The following GPS1 variants were observed in gnomAD, a reference collection of about 807,000 sequenced individuals.
GPS1 encodes the protein G protein pathway suppressor 1.
A neutral mutation model predicts 60.0 loss-of-function variants in GPS1; 11 were observed. That is an observed-to-expected ratio of 0.18 (90% CI 0.12 to 0.30). The LOEUF is 0.30. Ranked by LOEUF, GPS1 falls within the 10% of genes least tolerant of loss-of-function variation. GPS1 has a pLI of 1.00. For missense variants in GPS1, 543 were observed against 669.2 expected (o/e 0.81, Z 2.08); for synonymous variants, 343 against 269.8 (o/e 1.27, Z -2.66).
chr17:82,056,727 G>A lies in GPS1; in HGVS notation c.1215G>A (p.Leu405=), dbSNP rs1291916463. ...AGGACGAGCTGACGCAGCTAATCCT[G>A]GAGGGGCTGATCAGTGCCCGTGTGG... is the stretch of plus-strand genomic sequence containing the variant. ...ALEDELTQLI[L]EGLISARVDS... The change falls in exon 11 of 13, where the codon CTG becomes CTA. Residue 405 remains leucine (L), a synonymous_variant. Transcript: ENST00000578552. 6.3e-7 allele frequency: 1 copy of A among 1,588,224 alleles called. No individual in the cohort carries two copies. Among genetic ancestry groups the A allele is most frequent in the East Asian group, 2.2e-5 (1 of 44,562 alleles).
rs140038239 is a variant in GPS1 at position 82,054,501 on chromosome 17, C to T, written c.309-9C>T. On this transcript the variant is annotated splice_polypyrimidine_tract_variant and intron_variant, in intron 3 of 12. Coordinates refer to ENST00000578552, the MANE Select transcript of GPS1 (RefSeq NM_001321092.3). ...CCGCCGCCATCCTGATGGCCAGGTCCTCTCTCAGGGAGCTGCAGAACGCAC... is the reference window on the plus strand; with the variant it reads ...CCGCCGCCATCCTGATGGCCAGGTCTTCTCTCAGGGAGCTGCAGAACGCAC... 1.3e-6 allele frequency: 2 copies of T among 1,497,324 alleles called. No individual in the cohort carries two copies. Among genetic ancestry groups the T allele is most frequent in the Non-Finnish European group, 8.9e-7 (1 of 1,126,666 alleles). The allele number at this position is 1,497,324 out of a possible 1,614,324, so 92.8% of individuals were successfully genotyped here. A position where few individuals can be genotyped will look rare whatever the true frequency, so the allele number is the denominator to read the frequency against.
chr17:82,051,093 T>A, upstream of GPS1: 1 of 1,363,448 alleles, frequency 7.3e-7, no homozygotes, highest in Non-Finnish European at 9.4e-7. This position sits in a 1 kb window ranked among gnomAD's most constrained non-coding sequence, Gnocchi z 4.1. Context: ...GCGGCTAGTG[T>A]GAGAGGCTGG....
At position 82,051,953 on chromosome 17, in the gene GPS1, T is replaced by G; in HGVS notation, c.22T>G (p.Phe8Val). 8.6e-7 allele frequency: 1 copy of G among 1,164,804 alleles called. No individual in the cohort carries two copies. The highest frequency in any genetic ancestry group is 1.1e-6 in the Non-Finnish European group (1 of 943,866). 72.2% of individuals were successfully genotyped at this position (1,164,804 alleles called of 1,614,324 possible). Residue 8 changes from phenylalanine (F) to valine (V), a missense_variant, in exon 1 of 13, where the codon TTT becomes GTT. Physicochemically the swap from Phe to Val is conservative, Grantham distance 50. Around this residue, in one of 3 missense-constraint regions of GPS1, gnomAD observed 181 missense variants for 188.8 expected, o/e 0.96. Coordinates refer to ENST00000578552, the MANE Select transcript of GPS1 (RefSeq NM_001321092.3). This position sits in a 1 kb window ranked among gnomAD's most constrained non-coding sequence, Gnocchi z 4.1. MPLPVQV[F>V]NLQGAVEPMQ... ...CAAGATGCCGCTGCCGGTTCAGGTG[T>G]TTAACTTGCAGGTAACGAGCCGAGG...
chr17:82,053,687 C>T (rs2031713669), intron 2 of GPS1, 181 bp from the exon 3 acceptor site: 2 of 648,308 alleles, frequency 3.1e-6, no homozygotes, highest in Non-Finnish European at 5.1e-6. Flanking sequence ...CCAGGCCCAC[C>T]CCAGCGGTCT....
At chr17:82,052,362 GCAC>G (rs1179511903) in intron 1 of GPS1, 3 of 1,612,672 alleles carry the variant, frequency 1.9e-6, no homozygotes, top group Admixed American at 3.3e-5. Flanking sequence ...GATCTGTACT[GCAC>G]CCCTCACAGC....
At chr17:82,052,633 G>A (rs1056420524) in intron 1 of GPS1, 4 of 775,096 alleles carry the variant, frequency 5.2e-6, no homozygotes, top group Non-Finnish European at 8.0e-6. Context: ...CCGAGCTCTT[G>A]GTGCTTTTCC....
chr17:82,055,762 G>A lies in GPS1; in HGVS notation c.771G>A (p.Arg257=), dbSNP rs753007670. ...CAAGLAELAA[R]KYKQAAKCLL... The stretch of plus-strand genomic sequence containing the variant: ...TAGGCTTGGCAGAGCTGGCCGCCAG[G>A]AAGTACAAGCAGGCTGCCAAGTGCC... The change falls in exon 7 of 13, where the codon AGG becomes AGA. Residue 257 remains arginine (R), a synonymous_variant. Coordinates refer to ENST00000578552, the MANE Select transcript of GPS1 (RefSeq NM_001321092.3). 7.7e-6 allele frequency: 12 copies of A among 1,558,474 alleles called. No individual in the cohort carries two copies. The highest frequency in any genetic ancestry group is 8.7e-6 in the Non-Finnish European group (10 of 1,151,206).
chr17:82,053,985 G>A lies in GPS1; in HGVS notation c.244G>A (p.Val82Met), dbSNP rs2031836334. 8.7e-6 allele frequency: 14 copies of A among 1,612,740 alleles called. No individual in the cohort carries two copies. The highest frequency in any genetic ancestry group is 2.2e-5 in the East Asian group (1 of 44,888). The change falls in exon 3 of 13, where the codon GTG (valine) becomes ATG (methionine). Residue 82 changes from valine to methionine, a missense_variant. Around this residue, in one of 3 missense-constraint regions of GPS1, gnomAD observed 181 missense variants for 188.8 expected, o/e 0.96. Coordinates refer to ENST00000578552, the MANE Select transcript of GPS1 (RefSeq NM_001321092.3). Reference protein sequence around the residue: ...VEALKMALSFVQRTFNVDMYE... With the variant: ...VEALKMALSFMQRTFNVDMYE... ...GGCCCTGAAGATGGCCCTCTCCTTC[G>A]TGCAGAGAACCTTTAACGTGGACAT...
At chr17:82,052,046 G>T (rs1331480943) in intron 1 of GPS1, 82 bp downstream of exon 1, 1 of 1,030,644 alleles carries the variant, frequency 9.7e-7, no homozygotes, top group African/African-American at 1.7e-5. Flanking sequence ...GCAGGGGCGC[G>T]GGGCCTGCGC....
rs759218958 is a variant in GPS1, at chr17:82,054,036, T to C, written c.295T>C (p.Ser99Pro). ...GTACGAGGAGATCCACCGCAAGCTC[T>C]CAGAGGCCACCAGGTGAGGCCAGGG... is the stretch of plus-strand genomic sequence containing the variant. ...DMYEEIHRKL[S>P]EATRELQNAP... Residue 99 changes from serine to proline, a missense_variant, in exon 3 of 13, where the codon TCA becomes CCA. By Grantham distance (74) the Ser-to-Pro change is moderately conservative. Coordinates refer to ENST00000578552, the MANE Select transcript of GPS1 (RefSeq NM_001321092.3). 6.2e-7 allele frequency: 1 copy of C among 1,610,598 alleles called. No individual in the cohort carries two copies. Among genetic ancestry groups the C allele is most frequent in the Non-Finnish European group, 8.5e-7 (1 of 1,178,584 alleles).
At position 82,057,248 on chromosome 17, in the gene GPS1, C is replaced by G. The variant is rs1389241489; in HGVS notation, c.*121C>G. On this transcript the variant is annotated 3_prime_UTR_variant, in exon 13 of 13. Coordinates refer to ENST00000578552, the MANE Select transcript of GPS1 (RefSeq NM_001321092.3). Reference sequence around the variant, plus strand: ...AGGGGCCTGGCCACTGGGTGCCACCCAGCCTGTGTGCCCTCCCTGGGGCTG... The same window carrying G: ...AGGGGCCTGGCCACTGGGTGCCACCGAGCCTGTGTGCCCTCCCTGGGGCTG... 7.7e-7 allele frequency: 1 copy of G among 1,295,796 alleles called. No individual in the cohort carries two copies. The highest frequency in any genetic ancestry group is 1.1e-6 in the Non-Finnish European group (1 of 908,072). 80.3% of individuals were successfully genotyped at this position (1,295,796 alleles called of 1,614,324 possible).
intron 1 of GPS1, chr17:82,052,383 C>T (rs752920597): frequency 3.7e-6 from 6 of 1,612,190 alleles, no homozygotes; most frequent in Non-Finnish European, 4.2e-6. Flanking sequence ...AGCAGTAGGT[C>T]AGACCTCGTC....
chr17:82,054,564 C>G lies in GPS1; in HGVS notation c.363C>G (p.Ala121=), dbSNP rs1349428623. ...CTGAGAGCGGCGTGGAGCCCCCAGC[C>G]CTGGACACGGCCTGGGTGGAGGCCA... The part of the protein sequence containing the change: ...AIPESGVEPP[A]LDTAWVEATR... The change falls in exon 4 of 13, where the codon GCC becomes GCG. Residue 121 remains alanine, a synonymous_variant. Transcript: ENST00000578552. 1.3e-6 allele frequency: 2 copies of G among 1,594,050 alleles called. No individual in the cohort carries two copies. Among genetic ancestry groups the G allele is most frequent in the African/African-American group, 2.7e-5 (2 of 74,626 alleles).
chr17:82,054,311 C>T (rs561569810), intron 3 of GPS1, 199 bp from the exon 4 acceptor site: 37 of 824,972 alleles, frequency 4.5e-5, no homozygotes, highest in Middle Eastern at 7.4e-4. Flanking sequence ...TTTCCCCACC[C>T]GGCTGTAGGC....
At chr17:82,051,013 T>C (rs746270954), upstream of GPS1, 743 of 1,404,446 alleles carry the variant, frequency 5.3e-4, no homozygotes, top group Non-Finnish European at 6.7e-4. This position sits in a 1 kb window ranked among gnomAD's most constrained non-coding sequence, Gnocchi z 4.1. Flanking sequence ...CGCCCTGACC[T>C]GGCCTGGAAG....
chr17:82,051,085 G>C (rs1295281540), upstream of GPS1: 32 of 1,370,432 alleles, frequency 2.3e-5, no homozygotes, highest in Non-Finnish European at 2.5e-5. This position sits in a 1 kb window ranked among gnomAD's most constrained non-coding sequence, Gnocchi z 4.1. Flanking sequence ...CCCGGGAAGC[G>C]GCTAGTGTGA....
chr17:82,057,350 C>T lies in GPS1; in HGVS notation c.*223C>T, dbSNP rs761425733. 3 of 713,690 alleles carry T rather than the reference C, an allele frequency of 4.2e-6. No homozygotes were observed. Among genetic ancestry groups the T allele is most frequent in the African/African-American group, 1.7e-5 (1 of 57,560 alleles). 44.2% of individuals were successfully genotyped at this position (713,690 alleles called of 1,614,324 possible). On this transcript the variant is annotated 3_prime_UTR_variant, in exon 13 of 13. Coordinates refer to ENST00000578552, the MANE Select transcript of GPS1 (RefSeq NM_001321092.3). Reference sequence around the variant, plus strand: ...GGGCTCGACCCTGTGGGTTTCTGTCCCCAGGGAGCAGACTGTGCGGCACCC... The same window carrying T: ...GGGCTCGACCCTGTGGGTTTCTGTCTCCAGGGAGCAGACTGTGCGGCACCC...
chr17:82,056,349 G>C lies in GPS1; in HGVS notation c.993G>C (p.Glu331Asp). 1 of 1,613,402 alleles carries C rather than the reference G, an allele frequency of 6.2e-7. No homozygotes were observed. Among genetic ancestry groups the C allele is most frequent in the Non-Finnish European group, 8.5e-7 (1 of 1,179,958 alleles). Residue 331 changes from glutamate to aspartate, a missense_variant, in exon 9 of 13, where the codon GAG becomes GAC. Physicochemically the swap from Glu to Asp is conservative, Grantham distance 45. This residue lies in a region of GPS1 where 291 missense variants were observed against 353.7 expected (regional missense o/e 0.82). Coordinates refer to ENST00000578552, the MANE Select transcript of GPS1 (RefSeq NM_001321092.3). ...GAGACATCATCTTCAAATTCTACGA[G>C]TCCAAGTACGCCTCATGTCTCAAGA... is the stretch of plus-strand genomic sequence containing the variant. ...QVRDIIFKFY[E>D]SKYASCLKML...
chr17:82,054,762 C>T lies in GPS1; in HGVS notation c.561C>T (p.Tyr187=). The change falls in exon 4 of 13, where the codon TAC becomes TAT. Residue 187 remains tyrosine, a synonymous_variant. Coordinates refer to ENST00000578552, the MANE Select transcript of GPS1 (RefSeq NM_001321092.3). The part of the protein sequence containing the change: ...ALKCYSRARD[Y]CTSAKHVINM... ...AGTGCTATTCCCGGGCCCGGGACTA[C>T]TGCACCAGCGCCAAACACGTCATCA... 1 of 1,610,350 alleles carries T rather than the reference C, an allele frequency of 6.2e-7. No individual in the cohort carries two copies. Among genetic ancestry groups the T allele is most frequent in the South Asian group, 1.1e-5 (1 of 91,026 alleles).
Sources: gnomAD v4.1 joint callset for allele counts on GRCh38, gnomAD v4.1.1 for gene constraint, gnomAD v4.1.1 regional missense constraint, Gnocchi (gnomAD v3.1) non-coding constraint, MANE v1.5 for transcripts, NCBI Gene and HGNC (gene_info 2026-07-23, HGNC 2026-07-21) for gene names.